The following CCND3 variants were observed in gnomAD, a reference collection of about 807,000 sequenced individuals.
The protein encoded by CCND3 is cyclin D3, also known as G1/S-specific cyclin-D3.
CCND3 carries 9 observed loss-of-function variants against 28.7 expected under a neutral mutation model. That is an observed-to-expected ratio of 0.31 (90% CI 0.19 to 0.55). CCND3 has a LOEUF of 0.55. CCND3 is among the 20% of genes least tolerant of loss of function. The pLI is 0.93. For missense variants in CCND3, 315 were observed against 385.8 expected (o/e 0.82, Z 1.54); for synonymous variants, 164 against 163.9 (o/e 1.00, Z 0.00).
chr6:42,016,753 T>A (rs2127430981), intron 1 of CCND3, among the ~76,000 whole-genome samples: 1 of 152,108 alleles, frequency 6.6e-6, no homozygotes, highest in African/African-American at 2.4e-5. Context: ...CCCGGCTAAT[T>A]TTTGTATTTT....
intron 1 of CCND3, among the ~76,000 whole-genome samples, chr6:41,962,693 G>A (rs1245699362): frequency 3.3e-5 from 5 of 152,212 alleles, no homozygotes; most frequent in Non-Finnish European, 7.3e-5. Context: ...AGGTTGCAGT[G>A]AGCTGTGATC....
At chr6:42,043,522 C>T (rs1425976504) in intron 1 of CCND3, among the ~76,000 whole-genome samples, 1 of 152,154 alleles carries the variant, frequency 6.6e-6, no homozygotes, top group African/African-American at 2.4e-5. Flanking sequence ...CAGAGTGAGA[C>T]TCCATTTCAA....
intron 1 of CCND3, among the ~76,000 whole-genome samples, chr6:41,973,639 C>T (rs1420789175): frequency 6.6e-6 from 1 of 152,146 alleles, no homozygotes; most frequent in Non-Finnish European, 1.5e-5. Flanking sequence ...AGCTGCATGA[C>T]CTTGACAAGT....
chr6:42,033,140 T>C (rs1335965755), intron 1 of CCND3, among the ~76,000 whole-genome samples: 1 of 152,160 alleles, frequency 6.6e-6, no homozygotes, highest in Non-Finnish European at 1.5e-5. Flanking sequence ...GGGTAAGTAT[T>C]GTTCAGTGAG....
chr6:42,009,676 A>G (rs7741135), intron 1 of CCND3, among the ~76,000 whole-genome samples: 151,456 of 152,192 alleles, frequency 1, 75,368 homozygotes, highest in Middle Eastern at 1. Flanking sequence ...GGGTGGTGGC[A>G]CACGCCCATA....
chr6:42,025,013 A>G (rs1363916509), intron 1 of CCND3, among the ~76,000 whole-genome samples: 1 of 152,186 alleles, frequency 6.6e-6, no homozygotes, highest in Non-Finnish European at 1.5e-5. Flanking sequence ...AGACGAGATC[A>G]TGCCACTGCA....
rs927809612 is a variant in CCND3 at position 41,941,442 on chromosome 6, C to G, written c.198+10G>C. On this transcript the variant is annotated intron_variant, in intron 1 of 4. Coordinates refer to ENST00000372991, the MANE Select transcript of CCND3 (RefSeq NM_001760.5). The surrounding 1 kb of genome is among the most constrained non-coding windows in gnomAD (Gnocchi z 6.1). ...GAGCGGTGGGGGAGGGGGACGCGTCCGGGCGGTACCTCCAGCATCCAGTAA... is the reference window on the plus strand; with the variant it reads ...GAGCGGTGGGGGAGGGGGACGCGTCGGGGCGGTACCTCCAGCATCCAGTAA... The G allele has an allele frequency of 6.2e-7, 1 of 1,606,832 alleles. No homozygotes were observed. Among genetic ancestry groups the G allele is most frequent in the Non-Finnish European group, 8.5e-7 (1 of 1,178,314 alleles).
chr6:41,937,176 T>C (rs921456851), intron 3 of CCND3, 59 bp downstream of exon 3: 1 of 1,569,034 alleles, frequency 6.4e-7, no homozygotes. Context: ...CAGTTACCTC[T>C]CACCCTTATA....
chr6:42,024,437 C>T (rs1271969702), intron 1 of CCND3, among the ~76,000 whole-genome samples: 2 of 150,660 alleles, frequency 1.3e-5, no homozygotes, highest in African/African-American at 4.9e-5. Flanking sequence ...ACCCTGATAA[C>T]ACAGCTGGTG....
chr6:42,008,841 A>T (rs1040973515), intron 1 of CCND3, among the ~76,000 whole-genome samples: 9 of 152,188 alleles, frequency 5.9e-5, no homozygotes, highest in Admixed American at 5.9e-4. Context: ...AACATTCCAC[A>T]GAATATAGTT....
At chr6:41,976,982 A>G (rs1414250873) in intron 1 of CCND3, among the ~76,000 whole-genome samples, 1 of 152,156 alleles carries the variant, frequency 6.6e-6, no homozygotes, top group African/African-American at 2.4e-5. Context: ...AAAGAACCGT[A>G]CAACAGTTGT....
chr6:41,941,271 TA>T lies in CCND3; in HGVS notation c.198+180del. On this transcript the variant is annotated intron_variant, in intron 1 of 4. Coordinates refer to ENST00000372991, the MANE Select transcript of CCND3 (RefSeq NM_001760.5). This position sits in a 1 kb window ranked among gnomAD's most constrained non-coding sequence, Gnocchi z 6.1. The stretch of plus-strand genomic sequence containing the variant: ...GCAGTCACTGTCGGGAGGAGCCGAT[TA>T]GGGCTCGGGAAAGCAAGGGAGGCAG... The T allele has an allele frequency of 7.6e-6, 11 of 1,438,194 alleles. No homozygotes were observed. Among genetic ancestry groups the T allele is most frequent in the Non-Finnish European group, 1.0e-5 (11 of 1,099,540 alleles). 89.1% of individuals were successfully genotyped at this position (1,438,194 alleles called of 1,614,324 possible).
intron 1 of CCND3, among the ~76,000 whole-genome samples, chr6:41,957,639 T>C (rs920379694): frequency 3.3e-5 from 5 of 152,090 alleles, no homozygotes; most frequent in Non-Finnish European, 7.4e-5. Flanking sequence ...CCCAAAAAAA[T>C]GGAAATTCCT....
chr6:41,985,254 T>C (rs1762452669), intron 1 of CCND3, among the ~76,000 whole-genome samples: 1 of 151,386 alleles, frequency 6.6e-6, no homozygotes, highest in South Asian at 2.1e-4. Context: ...AGAAGCTTTC[T>C]CCCTAAGTTT....
intron 1 of CCND3, among the ~76,000 whole-genome samples, chr6:42,033,186 T>A (rs903064947): frequency 3.3e-5 from 5 of 152,090 alleles, no homozygotes; most frequent in African/African-American, 1.2e-4. Flanking sequence ...GCATGGTGGC[T>A]CACGCCTGTA....
chr6:41,998,476 G>A (rs9471718), intron 1 of CCND3, among the ~76,000 whole-genome samples: 199 of 151,044 alleles, frequency 1.3e-3, no homozygotes, highest in African/African-American at 4.7e-3. Context: ...AGCCTCCTGA[G>A]TAGCTGGGAT....
chr6:41,960,766 C>T (rs1464676322), intron 1 of CCND3, among the ~76,000 whole-genome samples: 4 of 152,158 alleles, frequency 2.6e-5, no homozygotes, highest in Non-Finnish European at 5.9e-5. Flanking sequence ...ATTCAGAGAG[C>T]AAATTATACC....
At chr6:41,979,621 G>GTCTC (rs71544259) in intron 1 of CCND3, among the ~76,000 whole-genome samples, 2 of 142,380 alleles carry the variant, frequency 1.4e-5, no homozygotes, top group African/African-American at 5.2e-5. Flanking sequence ...ATCTCTCTCT[G>GTCTC]TCTCTCTCTC....
intron 1 of CCND3, among the ~76,000 whole-genome samples, chr6:42,030,633 A>G (rs1463038686): frequency 2.0e-5 from 3 of 152,154 alleles, no homozygotes; most frequent in Non-Finnish European, 4.4e-5. Context: ...CGCCTTCCCC[A>G]GACTCACCAC....
Sources: gnomAD v4.1 joint callset for allele counts (sites outside exome capture counted in the v4.1 genomes callset) on GRCh38, gnomAD v4.1.1 for gene constraint, Gnocchi (gnomAD v3.1) non-coding constraint, MANE v1.5 for transcripts, NCBI Gene and HGNC (gene_info 2026-07-23, HGNC 2026-07-21) for gene names.